The following DUSP16 variants were observed in gnomAD, a reference collection of about 807,000 sequenced individuals.
DUSP16 encodes dual specificity phosphatase 16.
Under a neutral mutation model 58.3 loss-of-function variants are expected in DUSP16, and 21 were observed. The ratio of observed to expected loss-of-function variants is 0.36; its 90% CI spans 0.26 to 0.52. The LOEUF is 0.52. Ranked by LOEUF, DUSP16 falls within the 20% of genes least tolerant of loss-of-function variation. The pLI is 0.94. For missense variants in DUSP16, 726 were observed against 819.0 expected (o/e 0.89, Z 1.39); for synonymous variants, 320 against 323.8 (o/e 0.99, Z 0.12).
chr12:12,560,326 T>C (rs570078824), intron 1 of DUSP16, among the ~76,000 whole-genome samples: 4 of 152,328 alleles, frequency 2.6e-5, no homozygotes, highest in African/African-American at 7.2e-5. Context: ...CAAAACACTA[T>C]TCACACTAAC....
At chr12:12,539,769 G>A (rs900253202) in intron 1 of DUSP16, among the ~76,000 whole-genome samples, 1 of 129,072 alleles carries the variant, frequency 7.7e-6, no homozygotes. Flanking sequence ...AAAAAAAAAA[G>A]GCTGGGCACA....
chr12:12,477,938 ATCT>A lies in DUSP16; in HGVS notation c.890_892del (p.Lys297del), dbSNP rs779051193. 10 of 1,614,162 alleles carry A rather than the reference ATCT, an allele frequency of 6.2e-6. No individual in the cohort carries two copies. The highest frequency in any genetic ancestry group is 2.2e-5 in the East Asian group (1 of 44,886). On this transcript the variant is annotated inframe_deletion, in exon 7 of 7. Transcript: ENST00000298573. The surrounding 1 kb of genome is among the most constrained non-coding windows in gnomAD (Gnocchi z 4.1). Reference sequence around the variant, plus strand: ...CCCTGATGCTCCAGTCTGGTTCTTAATCTTCTTCTCATAGTCCAGGAGTTGGCC... The same window carrying A: ...CCCTGATGCTCCAGTCTGGTTCTTAATCTTCTCATAGTCCAGGAGTTGGCC...
At chr12:12,517,301 C>A (rs544958727) in intron 3 of DUSP16, among the ~76,000 whole-genome samples, 1 of 152,304 alleles carries the variant, frequency 6.6e-6, no homozygotes, top group African/African-American at 2.4e-5. Flanking sequence ...ACGAGACTGA[C>A]AACAATCTCC....
chr12:12,527,975 C>T (rs1299404092), intron 1 of DUSP16, among the ~76,000 whole-genome samples: 13 of 152,242 alleles, frequency 8.5e-5, no homozygotes, highest in Admixed American at 8.5e-4. Flanking sequence ...CTTTTAGGCA[C>T]AGGCCAGCCC....
intron 1 of DUSP16, among the ~76,000 whole-genome samples, chr12:12,559,089 T>C (rs1944855099): frequency 6.6e-6 from 1 of 152,148 alleles, no homozygotes; most frequent in South Asian, 2.1e-4. Flanking sequence ...CAGCCAACCC[T>C]TGATCATCAA....
At chr12:12,497,306 A>G (rs1455340175) in intron 4 of DUSP16, among the ~76,000 whole-genome samples, 1 of 152,238 alleles carries the variant, frequency 6.6e-6, no homozygotes, top group Non-Finnish European at 1.5e-5. Flanking sequence ...GATGTTGCAG[A>G]AAAAACAGGG....
At chr12:12,500,453 G>A (rs1943891893) in intron 4 of DUSP16, 66 bp downstream of exon 4, 1 of 1,498,008 alleles carries the variant, frequency 6.7e-7, no homozygotes, top group African/African-American at 1.4e-5. Flanking sequence ...TGACATAATG[G>A]GTAACTGCTG....
intron 1 of DUSP16, among the ~76,000 whole-genome samples, chr12:12,543,415 GTTCTT>G (rs1944594838): frequency 1.3e-5 from 2 of 152,088 alleles, no homozygotes; most frequent in Non-Finnish European, 2.9e-5. Context: ...AGTAGATGCT[GTTCTT>G]TTATTTTTTT....
chr12:12,556,443 G>GCACC (rs1944807158), intron 1 of DUSP16, among the ~76,000 whole-genome samples: 1 of 151,730 alleles, frequency 6.6e-6, no homozygotes, highest in Non-Finnish European at 1.5e-5. Context: ...GTGGTGGCAT[G>GCACC]CACCACCTGT....
chr12:12,499,456 C>A (rs1943878919), intron 4 of DUSP16, among the ~76,000 whole-genome samples: 1 of 152,124 alleles, frequency 6.6e-6, no homozygotes, highest in South Asian at 2.1e-4. Context: ...AGTGTTGAGG[C>A]AAAATTTTGA....
chr12:12,522,586 C>T (rs1944252479), intron 1 of DUSP16, among the ~76,000 whole-genome samples: 1 of 149,764 alleles, frequency 6.7e-6, no homozygotes, highest in African/African-American at 2.5e-5. Flanking sequence ...TTTTTTGAGA[C>T]AGGGTCTTGC....
At chr12:12,522,844 A>G (rs757856378) in intron 1 of DUSP16, among the ~76,000 whole-genome samples, 3 of 152,156 alleles carry the variant, frequency 2.0e-5, no homozygotes, top group Non-Finnish European at 4.4e-5. Context: ...GACTACAGGT[A>G]TGAGCCACCG....
At chr12:12,542,767 C>T (rs1211006659) in intron 1 of DUSP16, among the ~76,000 whole-genome samples, 1 of 152,164 alleles carries the variant, frequency 6.6e-6, no homozygotes, top group Non-Finnish European at 1.5e-5. Flanking sequence ...AAATGTAGAA[C>T]ACGATCCTCA....
intron 1 of DUSP16, among the ~76,000 whole-genome samples, chr12:12,554,164 T>C (rs1388335832): frequency 8.8e-6 from 1 of 113,560 alleles, no homozygotes; most frequent in Admixed American, 1.3e-4. Context: ...GCCACTGCAC[T>C]CCAACCTGGG....
At chr12:12,484,006 A>C (rs1943628898) in intron 5 of DUSP16, among the ~76,000 whole-genome samples, 1 of 151,902 alleles carries the variant, frequency 6.6e-6, no homozygotes, top group Admixed American at 6.5e-5. Flanking sequence ...ATTAAAAAAA[A>C]ATTTTACATT....
chr12:12,502,177 C>G (rs1426305340), intron 3 of DUSP16, among the ~76,000 whole-genome samples: 1 of 152,122 alleles, frequency 6.6e-6, no homozygotes, highest in African/African-American at 2.4e-5. Flanking sequence ...CCCTTGAAAA[C>G]TGCTAGAAGT....
chr12:12,482,219 CTAGGCACATGG>C (rs1480556320), intron 5 of DUSP16, among the ~76,000 whole-genome samples: 1 of 151,980 alleles, frequency 6.6e-6, no homozygotes, highest in East Asian at 1.9e-4. Context: ...AGACTTAACG[CTAGGCACATGG>C]TAGGCATCCA....
intron 3 of DUSP16, among the ~76,000 whole-genome samples, chr12:12,510,275 C>T (rs1423116286): frequency 9.2e-5 from 14 of 152,080 alleles, no homozygotes; most frequent in Admixed American, 8.5e-4. Context: ...ATGAGATTAT[C>T]CATAGGGGAA....
chr12:12,503,473 C>A (rs1943942831), intron 3 of DUSP16, among the ~76,000 whole-genome samples: 2 of 152,288 alleles, frequency 1.3e-5, no homozygotes, highest in South Asian at 2.1e-4. Flanking sequence ...GATCTGCCCA[C>A]CTCGGCCTCC....
Sources: gnomAD v4.1 joint callset for allele counts (sites outside exome capture counted in the v4.1 genomes callset) on GRCh38, gnomAD v4.1.1 for gene constraint, Gnocchi (gnomAD v3.1) non-coding constraint, MANE v1.5 for transcripts, NCBI Gene and HGNC (gene_info 2026-07-23, HGNC 2026-07-21) for gene names.